PARD3: variants seen among roughly 807,000 people sequenced by gnomAD.
The protein encoded by PARD3 is par-3 family cell polarity regulator, also known as partitioning defective 3 homolog.
In PARD3, 75 loss-of-function variants were observed where a neutral mutation model predicts 155.4. The ratio of observed to expected loss-of-function variants is 0.48; its 90% CI spans 0.40 to 0.58. The LOEUF (loss-of-function observed/expected upper bound fraction) is 0.58, where lower values mean the gene tolerates loss of function less well. Ranked by LOEUF, PARD3 falls within the 20% of genes least tolerant of loss-of-function variation. PARD3 has a pLI of 0.00. For synonymous variants in PARD3, 576 were observed against 610.5 expected (o/e 0.94, Z 0.83); for missense variants, 1,642 against 1,721.7 (o/e 0.95, Z 0.82).
chr10:34,657,874 C>G (rs1359027762), intron 2 of PARD3, among the ~76,000 whole-genome samples: 1 of 150,970 alleles, frequency 6.6e-6, no homozygotes, highest in East Asian at 2.0e-4. Flanking sequence ...CAGCCAGGCG[C>G]GGTGGCTCAC....
In PARD3 at chr10:34,384,044, C is replaced by G. The variant is rs1395841769; in HGVS notation, c.1016+85G>C. The G allele has an allele frequency of 1.7e-5, 23 of 1,359,016 alleles. No individual in the cohort carries two copies. The Admixed American group carries it at 4.1e-4, about 24-fold the overall frequency. The allele number at this position is 1,359,016 out of a possible 1,614,324, so 84.2% of individuals were successfully genotyped here. A position where few individuals can be genotyped will look rare whatever the true frequency, so the allele number is the denominator to read the frequency against. ...CTCTCCAGTATACAGACTGAGATCACAGACATGTTTGAAGCATTTCAACTG... is the reference window on the plus strand; with the variant it reads ...CTCTCCAGTATACAGACTGAGATCAGAGACATGTTTGAAGCATTTCAACTG... On this transcript the variant is annotated intron_variant, in intron 8 of 24. Coordinates refer to ENST00000374788, the MANE Select transcript of PARD3 (RefSeq NM_001184785.2).
At chr10:34,341,841 G>A (rs1181189681) in intron 15 of PARD3, 25 bp from the exon 16 acceptor site, 2 of 1,416,676 alleles carry the variant, frequency 1.4e-6, no homozygotes, top group African/African-American at 1.4e-5. Flanking sequence ...AAGAAGAAGA[G>A]AAAATTCTAG....
intron 3 of PARD3, among the ~76,000 whole-genome samples, chr10:34,479,948 G>A (rs186852093): frequency 2.0e-5 from 3 of 152,336 alleles, no homozygotes; most frequent in Non-Finnish European, 4.4e-5. Context: ...GCTCACATGA[G>A]GCAAGGGGAG....
At chr10:34,336,649 T>C (rs1836223392) in intron 17 of PARD3, among the ~76,000 whole-genome samples, 1 of 152,118 alleles carries the variant, frequency 6.6e-6, no homozygotes, top group African/African-American at 2.4e-5. Flanking sequence ...TACTTTTTTT[T>C]TGGTGGATTT....
intron 3 of PARD3, among the ~76,000 whole-genome samples, chr10:34,473,682 C>A (rs992204862): frequency 6.6e-6 from 1 of 152,212 alleles, no homozygotes; most frequent in African/African-American, 2.4e-5. Flanking sequence ...CCATCAAACA[C>A]ACTCACCAGC....
intron 2 of PARD3, among the ~76,000 whole-genome samples, chr10:34,659,024 T>C (rs572531520): frequency 1.8e-4 from 28 of 152,342 alleles, no homozygotes; most frequent in African/African-American, 6.5e-4. Flanking sequence ...AGAATTTACC[T>C]ACAAATTCCA....
chr10:34,482,715 T>A (rs2079163537), intron 3 of PARD3, among the ~76,000 whole-genome samples: 1 of 152,100 alleles, frequency 6.6e-6, no homozygotes. Context: ...GAAACATACC[T>A]TAATGAGCAA....
chr10:34,389,052 TTTCCTGATGGAGCTGAAACATCC>T (rs1842625884), intron 7 of PARD3, among the ~76,000 whole-genome samples: 1 of 152,008 alleles, frequency 6.6e-6, no homozygotes, highest in Admixed American at 6.6e-5. Flanking sequence ...CAAATGGATT[TTTCCTGATGGAGCTGAAACATCC>T]CCAAATCTAT....
chr10:34,355,259 C>T (rs1838668147), intron 14 of PARD3, among the ~76,000 whole-genome samples: 1 of 151,998 alleles, frequency 6.6e-6, no homozygotes, highest in African/African-American at 2.4e-5. Flanking sequence ...CATGGGAAGT[C>T]GAGGCTACAG....
At chr10:34,757,832 G>A (rs1836947885) in intron 1 of PARD3, among the ~76,000 whole-genome samples, 1 of 152,180 alleles carries the variant, frequency 6.6e-6, no homozygotes, top group South Asian at 2.1e-4. Context: ...TTCTGCCGCT[G>A]GTCATAAAAT....
chr10:34,514,124 A>G (rs1589836726), intron 3 of PARD3, among the ~76,000 whole-genome samples: 1 of 152,200 alleles, frequency 6.6e-6, no homozygotes, highest in East Asian at 1.9e-4. Flanking sequence ...CCATTTTTCT[A>G]TGGAAAAAAA....
intron 2 of PARD3, among the ~76,000 whole-genome samples, chr10:34,616,891 C>T (rs2091290078): frequency 6.9e-6 from 1 of 145,804 alleles, no homozygotes; most frequent in Non-Finnish European, 1.5e-5. Flanking sequence ...ACCAAGATCA[C>T]ACCACTGCAC....
intron 3 of PARD3, among the ~76,000 whole-genome samples, chr10:34,514,982 TA>T (rs1207154180): frequency 6.6e-6 from 1 of 152,220 alleles, no homozygotes; most frequent in African/African-American, 2.4e-5. Context: ...TATTTAAGTA[TA>T]CACATTACAG....
intron 12 of PARD3, among the ~76,000 whole-genome samples, chr10:34,360,777 A>G (rs986486139): frequency 1.1e-4 from 16 of 152,208 alleles, no homozygotes; most frequent in Non-Finnish European, 1.6e-4. Context: ...GAGAGCCTCT[A>G]AAGAATTCTA....
At chr10:34,281,138 G>C (rs760340266) in intron 21 of PARD3, among the ~76,000 whole-genome samples, 2 of 152,136 alleles carry the variant, frequency 1.3e-5, no homozygotes, top group African/African-American at 4.8e-5. Flanking sequence ...CTGAAGTTAC[G>C]TAGATCACTT....
chr10:34,688,605 A>C (rs976178779), intron 2 of PARD3, among the ~76,000 whole-genome samples: 6 of 152,196 alleles, frequency 3.9e-5, no homozygotes, highest in Non-Finnish European at 8.8e-5. Flanking sequence ...ACTCAAAGAG[A>C]TCTAGAGTAT....
intron 5 of PARD3, among the ~76,000 whole-genome samples, chr10:34,433,654 A>C (rs898604640): frequency 1.3e-5 from 2 of 152,210 alleles, no homozygotes; most frequent in Non-Finnish European, 2.9e-5. Context: ...AACTTTCTCC[A>C]ATTTAATCTA....
In PARD3 at chr10:34,228,011, C is replaced by T. The variant is rs191657358; in HGVS notation, c.3419+41646G>A. Among the ~76,000 whole-genome samples, 450 of 150,670 alleles carry T rather than the reference C, an allele frequency of 3.0e-3. 2 individuals carry two copies. Among genetic ancestry groups the T allele is most frequent in the Non-Finnish European group, 4.4e-3 (297 of 67,860 alleles). On this transcript the variant is annotated intron_variant, in intron 22 of 24. Coordinates refer to ENST00000374788, the MANE Select transcript of PARD3 (RefSeq NM_001184785.2). ...ACAATAGCAAAGATAATGGAACCAGCCTAGTTGCCCACCAATGGTGGACTG... is the reference window on the plus strand; with the variant it reads ...ACAATAGCAAAGATAATGGAACCAGTCTAGTTGCCCACCAATGGTGGACTG...
At chr10:34,329,275 G>A (rs1015607870) in intron 19 of PARD3, among the ~76,000 whole-genome samples, 7 of 151,994 alleles carry the variant, frequency 4.6e-5, no homozygotes, top group Non-Finnish European at 8.8e-5. Context: ...AGAGCAAACT[G>A]CATTTTTTAA....
Sources: allele counts gnomAD v4.1 joint callset (sites outside exome capture counted in the v4.1 genomes callset), GRCh38; gene constraint gnomAD v4.1.1; transcripts MANE v1.5; gene names NCBI Gene and HGNC (gene_info 2026-07-23, HGNC 2026-07-21).